TBC1D22A: variants seen among roughly 807,000 people sequenced by gnomAD.
TBC1D22A encodes putative GTPase activator.
TBC1D22A carries 38 observed loss-of-function variants against 60.2 expected under a neutral mutation model. The ratio of observed to expected loss-of-function variants is 0.63; its 90% CI spans 0.49 to 0.83. TBC1D22A has a LOEUF of 0.83. Ranked by LOEUF, TBC1D22A falls within the 40% of genes least tolerant of loss-of-function variation. TBC1D22A has a pLI of 0.00. For missense variants in TBC1D22A, 628 were observed against 701.0 expected (o/e 0.90, Z 1.18); for synonymous variants, 302 against 281.7 (o/e 1.07, Z -0.72).
intron 1 of TBC1D22A, among the ~76,000 whole-genome samples, chr22:46,785,891 C>G (rs912082028): frequency 2.6e-5 from 4 of 152,232 alleles, no homozygotes; most frequent in African/African-American, 9.6e-5. Flanking sequence ...AGTGATTCTC[C>G]TGCTTCAGCC....
At chr22:46,774,132 C>T (rs899087562) in intron 1 of TBC1D22A, 23 of 985,568 alleles carry the variant, frequency 2.3e-5, no homozygotes, top group Non-Finnish European at 2.7e-5. Flanking sequence ...GCTGGGCCTG[C>T]CTGCCCTTGG....
intron 9 of TBC1D22A, among the ~76,000 whole-genome samples, chr22:46,985,213 A>G (rs141162213): frequency 3.2e-4 from 48 of 152,360 alleles, no homozygotes; most frequent in African/African-American, 1.1e-3. Context: ...GTATACGTCA[A>G]GAAGCAGAGT....
Position 46,878,662 on chromosome 22 carries a change from G to T in TBC1D22A, c.647G>T (p.Arg216Leu). 1 of 1,613,166 alleles carries T rather than the reference G, an allele frequency of 6.2e-7. No homozygotes were observed. Among genetic ancestry groups the T allele is most frequent in the Non-Finnish European group, 8.5e-7 (1 of 1,179,812 alleles). The part of the protein sequence containing the change: ...AGPNTDLEEL[R>L]RLSWSGIPKP... ...CTTTTTTCATCAACAGAGGAATTAC[G>T]GAGGTTGAGCTGGTCCGGAATCCCT... The change falls in exon 5 of 13, where the codon CGG becomes CTG. Residue 216 changes from arginine to leucine, a missense_variant. Transcript: ENST00000337137.
chr22:46,792,465 G>T, intron 1 of TBC1D22A, 55 bp from the exon 2 acceptor site: 1 of 1,612,522 alleles, frequency 6.2e-7, no homozygotes, highest in South Asian at 1.1e-5. Context: ...GCTGGTGGAG[G>T]GCTCTTGGGA....
intron 8 of TBC1D22A, among the ~76,000 whole-genome samples, chr22:46,972,962 G>A (rs563790016): frequency 6.6e-6 from 1 of 152,328 alleles, no homozygotes; most frequent in East Asian, 1.9e-4. Flanking sequence ...TCCCTGTCCA[G>A]GCCCTCGAGC....
chr22:46,828,567 C>G (rs1004858322), intron 4 of TBC1D22A, among the ~76,000 whole-genome samples: 2 of 152,246 alleles, frequency 1.3e-5, no homozygotes, highest in African/African-American at 2.4e-5. Context: ...CAGCTTACCT[C>G]TTCCTGCCCG....
chr22:47,069,138 T>C (rs562637270), intron 11 of TBC1D22A, among the ~76,000 whole-genome samples: 1 of 152,372 alleles, frequency 6.6e-6, no homozygotes, highest in South Asian at 2.1e-4. Context: ...AAATAACTTC[T>C]ATTGCAAAAT....
intron 11 of TBC1D22A, among the ~76,000 whole-genome samples, chr22:47,099,237 C>T (rs936001336): frequency 3.3e-5 from 5 of 152,126 alleles, no homozygotes; most frequent in African/African-American, 9.7e-5. Context: ...GAGGGAAGGG[C>T]CTGGCTGAGG....
chr22:46,829,082 G>A (rs1017258630), intron 4 of TBC1D22A, among the ~76,000 whole-genome samples: 8 of 152,184 alleles, frequency 5.3e-5, no homozygotes, highest in Admixed American at 3.3e-4. Flanking sequence ...GTGGTCAGGG[G>A]TGGGGGTTTC....
chr22:47,063,747 G>T (rs923481763), intron 11 of TBC1D22A, among the ~76,000 whole-genome samples: 1 of 152,172 alleles, frequency 6.6e-6, no homozygotes, highest in Non-Finnish European at 1.5e-5. Context: ...CGCTCTGGAA[G>T]CTTCGAGGGA....
chr22:47,081,459 T>G (rs1371860696), intron 11 of TBC1D22A, among the ~76,000 whole-genome samples: 1 of 152,126 alleles, frequency 6.6e-6, no homozygotes, highest in Non-Finnish European at 1.5e-5. Flanking sequence ...TCTCACTACT[T>G]CTATTCAGTA....
At chr22:47,139,758 A>T (rs2067010623) in intron 12 of TBC1D22A, among the ~76,000 whole-genome samples, 1 of 152,122 alleles carries the variant, frequency 6.6e-6, no homozygotes, top group Non-Finnish European at 1.5e-5. Context: ...GCTCGCTAAG[A>T]CCCAAGTTCA....
rs1402745728 is a variant in TBC1D22A, at chr22:46,912,667, C to T, written c.1015+479C>T. ...TGCCTCCCGGGTTCAAGTGATTCTCCTGCCTCAGCCTCCTGAGTACTTGGG... is the reference window on the plus strand; with the variant it reads ...TGCCTCCCGGGTTCAAGTGATTCTCTTGCCTCAGCCTCCTGAGTACTTGGG... On this transcript the variant is annotated intron_variant, in intron 8 of 12. Coordinates refer to ENST00000337137, the MANE Select transcript of TBC1D22A (RefSeq NM_014346.5). 4.6e-5 allele frequency among the ~76,000 whole-genome samples: 7 copies of T among 152,234 alleles called. No homozygotes were observed. In the East Asian group the frequency reaches 1.3e-3, roughly 29 times the overall value.
intron 12 of TBC1D22A, among the ~76,000 whole-genome samples, chr22:47,143,251 A>C (rs919402620): frequency 1.3e-5 from 2 of 152,198 alleles, no homozygotes. Context: ...TCAGTGGAGC[A>C]GACTCTGAGG....
chr22:46,991,701 C>A (rs945094197), intron 9 of TBC1D22A, among the ~76,000 whole-genome samples: 4 of 152,190 alleles, frequency 2.6e-5, no homozygotes, highest in African/African-American at 7.2e-5. Context: ...CCTGCAGTGG[C>A]CTCCATTTGC....
rs1351967926 is a variant in TBC1D22A at position 46,941,235 on chromosome 22, ACAGT to A, written c.1015+29049_1015+29052del. ...CACACACACACACACACACACACACACAGTCCACCCTTGAACAGCATGGAAGCTG... is the reference window on the plus strand; with the variant it reads ...CACACACACACACACACACACACACACCACCCTTGAACAGCATGGAAGCTG... On this transcript the variant is annotated intron_variant, in intron 8 of 12. Transcript: ENST00000337137. Among the ~76,000 whole-genome samples the A allele has an allele frequency of 4.1e-5, 6 of 145,918 alleles. 1 individual carries two copies. The highest frequency in any genetic ancestry group is 1.5e-4 in the African/African-American group (6 of 38,950).
intron 12 of TBC1D22A, chr22:47,115,750 G>A (rs2066018744): frequency 6.6e-6 from 1 of 152,390 alleles, no homozygotes; most frequent in South Asian, 2.1e-4. Context: ...GGCACGGTGA[G>A]TGCTAGAAAG....
At chr22:46,783,732 G>T (rs1035895629) in intron 1 of TBC1D22A, among the ~76,000 whole-genome samples, 4 of 152,132 alleles carry the variant, frequency 2.6e-5, no homozygotes, top group Non-Finnish European at 5.9e-5. Flanking sequence ...GATTGGTTCT[G>T]GTGGTTCTAG....
At chr22:46,898,373 GAC>G (rs1004652023) in intron 7 of TBC1D22A, among the ~76,000 whole-genome samples, 18 of 152,270 alleles carry the variant, frequency 1.2e-4, no homozygotes, top group African/African-American at 4.3e-4. Context: ...CAAAGTTAAG[GAC>G]ACACGCCTGG....
Sources: gnomAD v4.1 joint callset for allele counts (sites outside exome capture counted in the v4.1 genomes callset) on GRCh38, gnomAD v4.1.1 for gene constraint, MANE v1.5 for transcripts, NCBI Gene and HGNC (gene_info 2026-07-23, HGNC 2026-07-21) for gene names.